Variants in PARD3B observed in about 807,000 individuals in gnomAD.
PARD3B encodes par-3 family cell polarity regulator beta.
Under a neutral mutation model 130.2 loss-of-function variants are expected in PARD3B, and 103 were observed. The observed-to-expected ratio is 0.79, with a 90% CI of 0.67 to 0.93. The LOEUF is 0.93. PARD3B is among the 40% of genes least tolerant of loss of function. The pLI is 0.00. For synonymous variants in PARD3B, 583 were observed against 553.2 expected (o/e 1.05, Z -0.76); for missense variants, 1,609 against 1,499.2 (o/e 1.07, Z -1.21).
chr2:204,853,477 A>T (rs1368574946), intron 2 of PARD3B, among the ~76,000 whole-genome samples: 1 of 152,198 alleles, frequency 6.6e-6, no homozygotes, highest in Non-Finnish European at 1.5e-5. Flanking sequence ...TGCAATAATC[A>T]TTTGGTCTTC....
chr2:205,493,483 A>C (rs1272004444), intron 20 of PARD3B, among the ~76,000 whole-genome samples: 1 of 152,142 alleles, frequency 6.6e-6, no homozygotes, highest in Non-Finnish European at 1.5e-5. Flanking sequence ...CACCATACTT[A>C]CATAATTAAC....
At chr2:205,261,662 G>A (rs1334542197) in intron 16 of PARD3B, among the ~76,000 whole-genome samples, 2 of 152,060 alleles carry the variant, frequency 1.3e-5, no homozygotes, top group Non-Finnish European at 2.9e-5. Context: ...AAAAGTTCTC[G>A]TTATATTTGT....
At chr2:204,792,379 G>C (rs1351515988) in intron 2 of PARD3B, among the ~76,000 whole-genome samples, 1 of 151,696 alleles carries the variant, frequency 6.6e-6, no homozygotes, top group Non-Finnish European at 1.5e-5. Flanking sequence ...AGCAATAATG[G>C]CTTTAAACTT....
At chr2:205,177,789 GC>G (rs1182831065) in intron 13 of PARD3B, among the ~76,000 whole-genome samples, 4 of 152,106 alleles carry the variant, frequency 2.6e-5, no homozygotes, top group Admixed American at 1.3e-4. Context: ...TGAGCAATTT[GC>G]CTGCAGACTC....
At chr2:205,428,547 A>G (rs979184993) in intron 19 of PARD3B, among the ~76,000 whole-genome samples, 2 of 152,174 alleles carry the variant, frequency 1.3e-5, no homozygotes, top group Non-Finnish European at 1.5e-5. Context: ...AACTTTGAGA[A>G]ATCCATTTCT....
chr2:205,172,371 G>A lies in PARD3B; in HGVS notation c.1781G>A (p.Arg594Lys), dbSNP rs2035222857. ...IQLVILRRPERPMEDPAECGA... is the reference protein window; with the variant it reads ...IQLVILRRPEKPMEDPAECGA... Reference sequence around the variant, plus strand: ...TTGGTGATTCTGAGGAGGCCAGAGAGACCAATGGAGGTGATGCAAATCTTG... The same window carrying A: ...TTGGTGATTCTGAGGAGGCCAGAGAAACCAATGGAGGTGATGCAAATCTTG... Residue 594 changes from arginine (R) to lysine (K), a missense_variant, in exon 12 of 23, where the codon AGA (arginine) becomes AAA (lysine). Arg to Lys is a conservative substitution (Grantham distance 26). Transcript: ENST00000406610. 6.2e-7 allele frequency: 1 copy of A among 1,613,298 alleles called. No homozygotes were observed. The highest frequency in any genetic ancestry group is 8.5e-7 in the Non-Finnish European group (1 of 1,179,658).
chr2:205,572,515 C>T lies in PARD3B; in HGVS notation c.3260+19112C>T, dbSNP rs1429711896. On this transcript the variant is annotated intron_variant, in intron 22 of 22. Coordinates refer to ENST00000406610, the MANE Select transcript of PARD3B (RefSeq NM_001302769.2). This position sits in a 1 kb window ranked among gnomAD's most constrained non-coding sequence, Gnocchi z 4.2. ...ATCCCAGCACTTTGGGAGGCCAAGG[C>T]AGGCGGATTGCCTGAGCTCAGGAGT... 6.6e-6 allele frequency among the ~76,000 whole-genome samples: 1 copy of T among 152,168 alleles called. No individual in the cohort carries two copies. Among genetic ancestry groups the T allele is most frequent in the Non-Finnish European group, 1.5e-5 (1 of 68,032 alleles).
intron 4 of PARD3B, among the ~76,000 whole-genome samples, chr2:205,099,838 T>C (rs2125561376): frequency 6.6e-6 from 1 of 152,312 alleles, no homozygotes; most frequent in Non-Finnish European, 1.5e-5. Flanking sequence ...TAAACTATAG[T>C]TACTACCCTT....
At chr2:205,489,314 ACTGGGGG>A (rs2049574515) in intron 20 of PARD3B, among the ~76,000 whole-genome samples, 1 of 151,852 alleles carries the variant, frequency 6.6e-6, no homozygotes, top group Non-Finnish European at 1.5e-5. Context: ...AAAATATTGC[ACTGGGGG>A]CTGGGTGCAG....
chr2:204,882,239 G>C (rs2046083142), intron 2 of PARD3B, among the ~76,000 whole-genome samples: 1 of 152,186 alleles, frequency 6.6e-6, no homozygotes, highest in African/African-American at 2.4e-5. Flanking sequence ...CTGTTTCCCA[G>C]AAGTACAAAT....
At chr2:205,490,992 G>C (rs2049681920) in intron 20 of PARD3B, among the ~76,000 whole-genome samples, 1 of 152,168 alleles carries the variant, frequency 6.6e-6, no homozygotes, top group South Asian at 2.1e-4. Flanking sequence ...GTTCATTGTA[G>C]ATTCTGGATA....
chr2:205,425,795 C>G (rs2047124893), intron 19 of PARD3B, among the ~76,000 whole-genome samples: 1 of 152,122 alleles, frequency 6.6e-6, no homozygotes, highest in Non-Finnish European at 1.5e-5. Context: ...TCAACATGCC[C>G]TTTGCTCCAT....
chr2:205,553,610 T>C (rs183814895), intron 22 of PARD3B, among the ~76,000 whole-genome samples: 1 of 152,312 alleles, frequency 6.6e-6, no homozygotes, highest in Non-Finnish European at 1.5e-5. Context: ...GAAAATAGTA[T>C]ATCATTGCAA....
chr2:204,729,370 C>T (rs1026331826), intron 2 of PARD3B, among the ~76,000 whole-genome samples: 2 of 152,120 alleles, frequency 1.3e-5, no homozygotes, highest in African/African-American at 2.4e-5. Context: ...GGGTTCTTGC[C>T]TACCCCCTTA....
intron 18 of PARD3B, among the ~76,000 whole-genome samples, chr2:205,394,376 T>C (rs2045955279): frequency 6.6e-6 from 1 of 152,154 alleles, no homozygotes; most frequent in Admixed American, 6.6e-5. Context: ...ATAAATTAAA[T>C]GCCCTGGAAT....
chr2:205,057,607 G>GTGTATGTGTATATATATACATA (rs1491234766), intron 4 of PARD3B, among the ~76,000 whole-genome samples: 1 of 68,470 alleles, frequency 1.5e-5, no homozygotes, highest in African/African-American at 5.8e-5. Flanking sequence ...ACATATATGT[G>GTGTATGTGTATATATATACATA]TATGTGTATG....
Position 204,653,930 on chromosome 2 carries a change from C to T in PARD3B, c.121-32251C>T, listed in dbSNP as rs1322659208. Among the ~76,000 whole-genome samples the T allele has an allele frequency of 3.3e-5, 5 of 151,152 alleles. 1 individual carries two copies. Among genetic ancestry groups the T allele is most frequent in the Non-Finnish European group, 5.9e-5 (4 of 68,018 alleles). ...AGTCTGATGACAACGTACACTATTT[C>T]CCCAGATACAAATGTACATTTATGA... is the stretch of plus-strand genomic sequence containing the variant. On this transcript the variant is annotated intron_variant, in intron 1 of 22. Coordinates refer to ENST00000406610, the MANE Select transcript of PARD3B (RefSeq NM_001302769.2).
intron 1 of PARD3B, among the ~76,000 whole-genome samples, chr2:204,595,714 T>G (rs1465776948): frequency 6.6e-6 from 1 of 152,274 alleles, no homozygotes; most frequent in Non-Finnish European, 1.5e-5. Context: ...TCAAGTATGA[T>G]TTTGTAAAGC....
chr2:205,271,908 G>A (rs1359425387), intron 16 of PARD3B, among the ~76,000 whole-genome samples: 2 of 151,988 alleles, frequency 1.3e-5, no homozygotes, highest in Non-Finnish European at 2.9e-5. Flanking sequence ...CTATAATCCC[G>A]GTACTTTGGG....
Sources: allele counts gnomAD v4.1 joint callset (sites outside exome capture counted in the v4.1 genomes callset), GRCh38; gene constraint gnomAD v4.1.1; non-coding constraint Gnocchi (gnomAD v3.1); transcripts MANE v1.5; gene names NCBI Gene and HGNC (gene_info 2026-07-23, HGNC 2026-07-21).